SEM1: variants seen among roughly 807,000 people sequenced by gnomAD.
The protein encoded by SEM1 is 26S proteasome complex subunit SEM1.
In SEM1, 3 loss-of-function variants were observed where a neutral mutation model predicts 12.7. The ratio of observed to expected loss-of-function variants is 0.24; its 90% CI spans 0.11 to 0.61. The LOEUF is 0.61. Ranked by LOEUF, SEM1 falls within the 20% of genes least tolerant of loss-of-function variation. SEM1 has a pLI of 0.88. For missense variants in SEM1, 59 were observed against 81.3 expected (o/e 0.73, Z 1.06); for synonymous variants, 30 against 27.8 (o/e 1.08, Z -0.25).
intron 2 of SEM1, chr7:96,645,490 G>T: frequency 3.1e-6 from 1 of 324,818 alleles, no homozygotes; most frequent in Non-Finnish European, 5.6e-6. Context: ...AGGTAGACAA[G>T]TTGGGTGTTG....
chr7:96,561,643 G>A (rs978961354), intron 2 of SEM1, among the ~76,000 whole-genome samples: 8 of 152,192 alleles, frequency 5.3e-5, no homozygotes, highest in South Asian at 2.1e-4. Context: ...CTTGAACATC[G>A]GTTCCATATT....
chr7:96,548,586 C>G lies in SEM1; in HGVS notation c.171-41888G>C, dbSNP rs560926595. Among the ~76,000 whole-genome samples, 4 of 152,278 alleles carry G rather than the reference C, an allele frequency of 2.6e-5. No homozygotes were observed. In the East Asian group the frequency reaches 7.7e-4, roughly 29 times the overall value. ...GCTATGTCTGAGAACCTGACTGCTACTTATTAGTGATTGTTAATGAAAATC... is the reference window on the plus strand; with the variant it reads ...GCTATGTCTGAGAACCTGACTGCTAGTTATTAGTGATTGTTAATGAAAATC... On this transcript the variant is annotated intron_variant and NMD_transcript_variant, in intron 2 of 3. Transcript: ENST00000466986.
At chr7:96,606,563 C>T (rs971307298) in intron 2 of SEM1, among the ~76,000 whole-genome samples, 3 of 152,092 alleles carry the variant, frequency 2.0e-5, no homozygotes, top group Non-Finnish European at 4.4e-5. Context: ...TGAGAGTAAA[C>T]AAAATTGTGG....
chr7:96,660,994 C>T (rs112600698), intron 2 of SEM1, among the ~76,000 whole-genome samples: 121 of 152,084 alleles, frequency 8.0e-4, no homozygotes, highest in African/African-American at 2.8e-3. Flanking sequence ...TAATACTAGC[C>T]GTAAACATTT....
At chr7:96,676,373 G>A (rs1465861719) in intron 2 of SEM1, among the ~76,000 whole-genome samples, 4 of 152,090 alleles carry the variant, frequency 2.6e-5, no homozygotes, top group African/African-American at 9.7e-5. Context: ...TGTGAAAGAA[G>A]GAATGTTCCT....
intron 1 of SEM1, among the ~76,000 whole-genome samples, chr7:96,708,669 G>C (rs1790546086): frequency 6.6e-6 from 1 of 152,208 alleles, no homozygotes; most frequent in South Asian, 2.1e-4. Flanking sequence ...TACAGCTGAA[G>C]TTAAGAGCTT....
intron 2 of SEM1, among the ~76,000 whole-genome samples, chr7:96,675,639 G>A (rs1563108077): frequency 6.6e-6 from 1 of 152,170 alleles, no homozygotes; most frequent in Non-Finnish European, 1.5e-5. Flanking sequence ...AGGACACTAA[G>A]TGCCAGCTCT....
chr7:96,562,304 TTCAG>T (rs1252097240), intron 2 of SEM1, among the ~76,000 whole-genome samples: 1 of 152,214 alleles, frequency 6.6e-6, no homozygotes, highest in African/African-American at 2.4e-5. Flanking sequence ...AGGCTTCCCA[TTCAG>T]TCATTCATTC....
At chr7:96,529,438 A>G (rs998226197) in intron 2 of SEM1, among the ~76,000 whole-genome samples, 27 of 152,164 alleles carry the variant, frequency 1.8e-4, no homozygotes, top group African/African-American at 6.0e-4. Context: ...GTTACAAAGT[A>G]CTTTTGCATA....
At chr7:96,583,770 T>C (rs192700201) in intron 2 of SEM1, among the ~76,000 whole-genome samples, 2,000 of 150,750 alleles carry the variant, frequency 0.013, 71 homozygotes, top group African/African-American at 0.046. Context: ...TTAAAGTCTG[T>C]TTTATCCGAG....
At chr7:96,540,515 T>C (rs1804912163) in intron 2 of SEM1, among the ~76,000 whole-genome samples, 1 of 151,816 alleles carries the variant, frequency 6.6e-6, no homozygotes, top group South Asian at 2.1e-4. Flanking sequence ...ACTTCAAATT[T>C]ACACAAATAT....
At chr7:96,604,935 CAAAA>C (rs1297721928) in intron 2 of SEM1, among the ~76,000 whole-genome samples, 2 of 151,688 alleles carry the variant, frequency 1.3e-5, no homozygotes, top group Non-Finnish European at 2.9e-5. Flanking sequence ...AATAAACAAA[CAAAA>C]ACCCCAACCA....
intron 1 of SEM1, chr7:96,695,309 G>A (rs1790055020): frequency 6.5e-6 from 1 of 153,222 alleles, no homozygotes; most frequent in Non-Finnish European, 1.5e-5. Context: ...ATATTTAAAA[G>A]TAGACCAAAC....
At chr7:96,705,156 ACT>A (rs1399894114) in intron 1 of SEM1, among the ~76,000 whole-genome samples, 5 of 152,040 alleles carry the variant, frequency 3.3e-5, no homozygotes. Context: ...CCATCATAAC[ACT>A]GTCTTATCCA....
At chr7:96,557,192 G>A (rs910569173) in intron 2 of SEM1, among the ~76,000 whole-genome samples, 1 of 151,448 alleles carries the variant, frequency 6.6e-6, no homozygotes, top group South Asian at 2.1e-4. Context: ...CTCTCAGCTC[G>A]TCAAAGTCAT....
chr7:96,591,104 C>T (rs1806815926), intron 2 of SEM1, among the ~76,000 whole-genome samples: 1 of 152,040 alleles, frequency 6.6e-6, no homozygotes, highest in Admixed American at 6.6e-5. Context: ...GTCAGGTGTT[C>T]CTGTTAAGTC....
intron 2 of SEM1, among the ~76,000 whole-genome samples, chr7:96,594,095 CT>C (rs1806921510): frequency 6.6e-6 from 1 of 152,028 alleles, no homozygotes; most frequent in Non-Finnish European, 1.5e-5. Flanking sequence ...CAACACTTGG[CT>C]TTTTTATATT....
intron 2 of SEM1, among the ~76,000 whole-genome samples, chr7:96,560,856 A>T (rs932375470): frequency 3.3e-5 from 5 of 152,216 alleles, no homozygotes; most frequent in Admixed American, 1.3e-4. Flanking sequence ...ACACCCTATC[A>T]TATAATAAAT....
At chr7:96,642,276 T>C (rs1255270641) in intron 2 of SEM1, among the ~76,000 whole-genome samples, 1 of 152,118 alleles carries the variant, frequency 6.6e-6, no homozygotes, top group Non-Finnish European at 1.5e-5. Flanking sequence ...TTTAAATTCC[T>C]TTATAGAATA....
Sources: gnomAD v4.1 joint callset for allele counts (sites outside exome capture counted in the v4.1 genomes callset) on GRCh38, gnomAD v4.1.1 for gene constraint, MANE v1.5 for transcripts, NCBI Gene and HGNC (gene_info 2026-07-23, HGNC 2026-07-21) for gene names.